Variants in TEKT2 observed in about 807,000 individuals in gnomAD.
The protein encoded by TEKT2 is tektin 2.
TEKT2 carries 45 observed loss-of-function variants against 49.8 expected under a neutral mutation model. The observed-to-expected ratio is 0.90, with a 90% CI of 0.71 to 1.16. The LOEUF (loss-of-function observed/expected upper bound fraction) is 1.16, where lower values mean the gene tolerates loss of function less well. Ranked by LOEUF, TEKT2 falls within the 50% of genes most tolerant of loss-of-function variation. The pLI is 0.00. For synonymous variants in TEKT2, 202 were observed against 224.6 expected, an observed-to-expected ratio of 0.90 and a Z score of 0.90; for missense variants, 523 against 551.4, an observed-to-expected ratio of 0.95 and a Z score of 0.52.
intron 4 of TEKT2, 37 bp downstream of exon 4, chr1:36,086,078 C>T: frequency 1.3e-6 from 2 of 1,549,672 alleles, no homozygotes; most frequent in Non-Finnish European, 1.7e-6. Flanking sequence ...GTTCATGGGC[C>T]CCTGGAGGCT....
rs374620853 is a variant in TEKT2, at chr1:36,088,126, C to T, written c.1233C>T (p.Phe411=). 1 of 1,612,926 alleles carries T rather than the reference C, an allele frequency of 6.2e-7. No homozygotes were observed. The highest frequency in any genetic ancestry group is 1.3e-5 in the African/African-American group (1 of 74,912). Residue 411 remains phenylalanine (F), a synonymous_variant, in exon 10 of 10, where the codon TTC becomes TTT. Coordinates refer to ENST00000207457, the MANE Select transcript of TEKT2 (RefSeq NM_014466.3). ...GGTTCGTGCCTGAGGTGGACACCTT[C>T]ACACGTACCACAAATAGCACCCTGA... ...AERFVPEVDT[F]TRTTNSTLSP...
chr1:36,085,510 T>G (rs1446235864), intron 3 of TEKT2, among the ~76,000 whole-genome samples: 211 of 128,124 alleles, frequency 1.6e-3, no homozygotes, highest in African/African-American at 6.0e-3. Context: ...TTCTTTTCTT[T>G]TTTTTTTTTT....
Position 36,086,716 on chromosome 1 carries a change from A to G in TEKT2, c.501A>G (p.Glu167=). 1 of 1,614,044 alleles carries G rather than the reference A, an allele frequency of 6.2e-7. No homozygotes were observed. Among genetic ancestry groups the G allele is most frequent in the Non-Finnish European group, 8.5e-7 (1 of 1,180,000 alleles). ...GCGCTTTCCCCAGCCTCTTGCAGGA[A>G]GTCCAACAGCAGCTCAACTCCGACC... ...QAFEQLCLLQ[E]VQQQLNSDHR... The change falls in exon 5 of 10, where the codon GAA becomes GAG. Residue 167 remains glutamate (E), a synonymous_variant. Coordinates refer to ENST00000207457, the MANE Select transcript of TEKT2 (RefSeq NM_014466.3).
rs1183704571 is a variant in TEKT2 at position 36,086,034 on chromosome 1, C to A, written c.481C>A (p.Gln161Lys). 6.3e-7 allele frequency: 1 copy of A among 1,579,852 alleles called. No individual in the cohort carries two copies. The highest frequency in any genetic ancestry group is 8.6e-7 in the Non-Finnish European group (1 of 1,162,328). The change falls in exon 4 of 10, where the codon CAG becomes AAG. Residue 161 changes from glutamine to lysine, a missense_variant. Physicochemically the swap from Gln to Lys is moderately conservative, Grantham distance 53. Transcript: ENST00000207457. ...ACAGAAGGTCAGCCAGGCCTTCGAGCAGCTCTGGTAAGGGAGAGGCAGGTC... is the reference window on the plus strand; with the variant it reads ...ACAGAAGGTCAGCCAGGCCTTCGAGAAGCTCTGGTAAGGGAGAGGCAGGTC... Reference protein sequence around the residue: ...LQQKVSQAFEQLCLLQEVQQQ... With the variant: ...LQQKVSQAFEKLCLLQEVQQQ...
In TEKT2 at chr1:36,087,389, G is replaced by T. The variant is rs2124040709; in HGVS notation, c.856-50G>T. ...CCCCCGCCAGGAGGCACTGGACCAGGCATGCACGTGAGTCCAGCAGGTGGA... is the reference window on the plus strand; with the variant it reads ...CCCCCGCCAGGAGGCACTGGACCAGTCATGCACGTGAGTCCAGCAGGTGGA... On this transcript the variant is annotated intron_variant, in intron 7 of 9. Coordinates refer to ENST00000207457, the MANE Select transcript of TEKT2 (RefSeq NM_014466.3). The surrounding 1 kb of genome is among the most constrained non-coding windows in gnomAD (Gnocchi z 4.9). 1 of 1,613,840 alleles carries T rather than the reference G, an allele frequency of 6.2e-7. No individual in the cohort carries two copies.
chr1:36,084,503 TCAA>T lies in TEKT2; in HGVS notation c.-53+358_-53+360del. 1 of 289,570 alleles carries T rather than the reference TCAA, an allele frequency of 3.5e-6. No homozygotes were observed. The highest frequency in any genetic ancestry group is 6.7e-6 in the Non-Finnish European group (1 of 148,968). The allele number at this position is 289,570 out of a possible 1,614,324, so 17.9% of individuals were successfully genotyped here. ...GCCTGGGGAAGAAAGGAAAGGAAGA[TCAA>T]CAAGGCATGGTTGGCTGGGGGCAGG... is the stretch of plus-strand genomic sequence containing the variant. On this transcript the variant is annotated intron_variant, in intron 1 of 9. Coordinates refer to ENST00000207457, the MANE Select transcript of TEKT2 (RefSeq NM_014466.3). This position sits in a 1 kb window ranked among gnomAD's most constrained non-coding sequence, Gnocchi z 4.1.
In TEKT2 at chr1:36,088,137, C is replaced by G; in HGVS notation, c.1244C>G (p.Thr415Arg). The G allele has an allele frequency of 6.4e-7, 1 of 1,562,428 alleles. No individual in the cohort carries two copies. The highest frequency in any genetic ancestry group is 8.7e-7 in the Non-Finnish European group (1 of 1,149,182). ...GAGGTGGACACCTTCACACGTACCA[C>G]AAATAGCACCCTGAGTCCACTCAAA... ...VPEVDTFTRT[T>R]NSTLSPLKSC... Residue 415 changes from threonine to arginine, a missense_variant, in exon 10 of 10, where the codon ACA becomes AGA. Coordinates refer to ENST00000207457, the MANE Select transcript of TEKT2 (RefSeq NM_014466.3).
In TEKT2 at chr1:36,085,203, A is replaced by T. The variant is rs1205355344; in HGVS notation, c.197A>T (p.Glu66Val). 1.2e-6 allele frequency: 2 copies of T among 1,614,112 alleles called. No homozygotes were observed. Among genetic ancestry groups the T allele is most frequent in the Non-Finnish European group, 1.7e-6 (2 of 1,180,056 alleles). ...DEHDNRTRLV[E>V]RIDTVNRWKE... ...CATGACAACAGGACTCGACTGGTGG[A>T]GAGGATTGATACTGTCAACCGGTGG... Residue 66 changes from glutamate (E) to valine (V), a missense_variant, in exon 3 of 10, where the codon GAG becomes GTG. Glu to Val is a moderately radical substitution (Grantham distance 121). Coordinates refer to ENST00000207457, the MANE Select transcript of TEKT2 (RefSeq NM_014466.3).
At position 36,087,754 on chromosome 1, in the gene TEKT2, T is replaced by A. The variant is rs764272107; in HGVS notation, c.1026T>A (p.Val342=). ...DQAQYGLTDE[V]HQLEATIAAL... ...CACAGTACGGCCTCACCGACGAGGT[T>A]CACCAGCTAGAGGCAACCATCGCTG... Residue 342 remains valine (V), a synonymous_variant, in exon 9 of 10, where the codon GTT becomes GTA. Transcript: ENST00000207457. The surrounding 1 kb of genome is among the most constrained non-coding windows in gnomAD (Gnocchi z 4.9). The A allele has an allele frequency of 1.1e-5, 18 of 1,613,760 alleles. No homozygotes were observed. Among genetic ancestry groups the A allele is most frequent in the Non-Finnish European group, 1.5e-5 (18 of 1,179,994 alleles).
Position 36,084,098 on chromosome 1 carries a change from C to A in TEKT2, c.-104C>A, listed in dbSNP as rs918230790. Reference sequence around the variant, plus strand: ...GGTGGTTGCCTAGCAACCGGTGGTGCCAAACACTGGAGCTCAGAGCGGGGG... The same window carrying A: ...GGTGGTTGCCTAGCAACCGGTGGTGACAAACACTGGAGCTCAGAGCGGGGG... On this transcript the variant is annotated 5_prime_UTR_variant, in exon 1 of 10. Transcript: ENST00000207457. The surrounding 1 kb of genome is among the most constrained non-coding windows in gnomAD (Gnocchi z 4.1). The A allele has an allele frequency of 2.2e-4, 33 of 152,278 alleles. No individual in the cohort carries two copies. The highest frequency in any genetic ancestry group is 7.9e-4 in the African/African-American group (33 of 41,548). 9.4% of individuals were successfully genotyped at this position (152,278 alleles called of 1,614,324 possible).
chr1:36,084,902 A>G lies in TEKT2; in HGVS notation c.-20A>G, dbSNP rs1569996832. 1 of 1,612,950 alleles carries G rather than the reference A, an allele frequency of 6.2e-7. No individual in the cohort carries two copies. Among genetic ancestry groups the G allele is most frequent in the Non-Finnish European group, 8.5e-7 (1 of 1,179,982 alleles). On this transcript the variant is annotated 5_prime_UTR_variant, in exon 2 of 10. Coordinates refer to ENST00000207457, the MANE Select transcript of TEKT2 (RefSeq NM_014466.3). The surrounding 1 kb of genome is among the most constrained non-coding windows in gnomAD (Gnocchi z 4.1). ...CTGTGAACAGGCCTAGGGGTTTCTG[A>G]CCCTTCTGGTTTCTGTGCCATGGCC...
Position 36,087,041 on chromosome 1 carries a change from C to G in TEKT2, c.743C>G (p.Ala248Gly). The part of the protein sequence containing the change: ...ELREATALTI[A>G]ETNNELEAQR... The stretch of plus-strand genomic sequence containing the variant: ...AGGGAGGCCACTGCTCTAACTATTG[C>G]TGAGGTGACAGGCCACCCACAGCTA... Residue 248 changes from alanine (A) to glycine (G), a missense_variant, in exon 6 of 10, where the codon GCT (alanine) becomes GGT (glycine). Transcript: ENST00000207457. The surrounding 1 kb of genome is among the most constrained non-coding windows in gnomAD (Gnocchi z 4.9). The G allele has an allele frequency of 6.2e-7, 1 of 1,613,932 alleles. No individual in the cohort carries two copies. The highest frequency in any genetic ancestry group is 1.7e-5 in the Admixed American group (1 of 60,008).
Position 36,084,953 on chromosome 1 carries a change from G to T in TEKT2, c.32G>T (p.Arg11Leu), listed in dbSNP as rs771520973. Residue 11 changes from arginine to leucine, a missense_variant, in exon 2 of 10, where the codon CGC (arginine) becomes CTC (leucine). Transcript: ENST00000207457. This position sits in a 1 kb window ranked among gnomAD's most constrained non-coding sequence, Gnocchi z 4.1. ...ACGCTGAGCGTCAAGCCAAGTCGGC[G>T]CTTCCAGCTGCCCGACTGGCACACT... MATLSVKPSR[R>L]FQLPDWHTNS... 13 of 1,613,952 alleles carry T rather than the reference G, an allele frequency of 8.1e-6. No individual in the cohort carries two copies. Among genetic ancestry groups the T allele is most frequent in the Non-Finnish European group, 1.1e-5 (13 of 1,180,044 alleles).
chr1:36,088,171 G>A lies in TEKT2; in HGVS notation c.1278G>A (p.Gln426=), dbSNP rs1190418690. The A allele has an allele frequency of 3.7e-6, 6 of 1,612,700 alleles. No homozygotes were observed. Among genetic ancestry groups the A allele is most frequent in the Non-Finnish European group, 5.1e-6 (6 of 1,179,832 alleles). ...NSTLSPLKSC[Q]LELA ...CCCTGAGTCCACTCAAAAGCTGCCA[G>A]CTGGAGCTGGCCTAGCCTTGGAGGA... Residue 426 remains glutamine, a synonymous_variant, in exon 10 of 10, where the codon CAG becomes CAA. Coordinates refer to ENST00000207457, the MANE Select transcript of TEKT2 (RefSeq NM_014466.3).
rs191019632 is a variant in TEKT2, at chr1:36,087,583, G to C, written c.999+1G>C. On this transcript the variant is annotated splice_donor_variant, in intron 8 of 9. Coordinates refer to ENST00000207457, the MANE Select transcript of TEKT2 (RefSeq NM_014466.3). LOFTEE classifies it high-confidence loss of function. The surrounding 1 kb of genome is among the most constrained non-coding windows in gnomAD (Gnocchi z 4.9). The stretch of plus-strand genomic sequence containing the variant: ...CAACGTGGAACTCTGCCGGGACCAG[G>C]TGAGAGGGTGTCCCAGTGGCGCACG... 9 of 1,613,756 alleles carry C rather than the reference G, an allele frequency of 5.6e-6. No homozygotes were observed. The African/African-American group carries it at 1.1e-4, about 19-fold the overall frequency.
chr1:36,087,695 C>T lies in TEKT2; in HGVS notation c.1000-33C>T, dbSNP rs1453749382. Reference sequence around the variant, plus strand: ...AGCACTCAGGTAAAGGACAGTGTGGCTGACTTGGAACTCCCAACCCCTCTG... The same window carrying T: ...AGCACTCAGGTAAAGGACAGTGTGGTTGACTTGGAACTCCCAACCCCTCTG... On this transcript the variant is annotated intron_variant, in intron 8 of 9. Transcript: ENST00000207457. The surrounding 1 kb of genome is among the most constrained non-coding windows in gnomAD (Gnocchi z 4.9). The T allele has an allele frequency of 1.2e-6, 2 of 1,612,880 alleles. No individual in the cohort carries two copies. The highest frequency in any genetic ancestry group is 8.5e-7 in the Non-Finnish European group (1 of 1,179,596).
At position 36,087,406 on chromosome 1, in the gene TEKT2, G is replaced by A. The variant is rs369396707; in HGVS notation, c.856-33G>A. 5.6e-6 allele frequency: 9 copies of A among 1,613,746 alleles called. No individual in the cohort carries two copies. The African/African-American group carries it at 1.2e-4, about 22-fold the overall frequency. On this transcript the variant is annotated intron_variant, in intron 7 of 9. Transcript: ENST00000207457. This position sits in a 1 kb window ranked among gnomAD's most constrained non-coding sequence, Gnocchi z 4.9. ...TGGACCAGGCATGCACGTGAGTCCA[G>A]CAGGTGGAAACCAGTCACTCTGTCC...
rs572132576 is a variant in TEKT2 at position 36,087,358 on chromosome 1, C to T, written c.855+47C>T. ...GACTTCCTGCTGTGGGATGAGAAGC[C>T]GCATGCCCCCGCCAGGAGGCACTGG... is the stretch of plus-strand genomic sequence containing the variant. On this transcript the variant is annotated intron_variant, in intron 7 of 9. Coordinates refer to ENST00000207457, the MANE Select transcript of TEKT2 (RefSeq NM_014466.3). This position sits in a 1 kb window ranked among gnomAD's most constrained non-coding sequence, Gnocchi z 4.9. The T allele has an allele frequency of 1.9e-4, 309 of 1,613,612 alleles. 4 individuals carry two copies. The South Asian group carries it at 3.0e-3, about 16-fold the overall frequency.
rs920587054 is a variant in TEKT2, at chr1:36,087,533, G to T, written c.950G>T (p.Arg317Leu). The T allele has an allele frequency of 6.2e-7, 1 of 1,613,846 alleles. No homozygotes were observed. The highest frequency in any genetic ancestry group is 8.5e-7 in the Non-Finnish European group (1 of 1,180,026). Residue 317 changes from arginine to leucine, a missense_variant, in exon 8 of 10, where the codon CGG (arginine) becomes CTG (leucine). Transcript: ENST00000207457. The surrounding 1 kb of genome is among the most constrained non-coding windows in gnomAD (Gnocchi z 4.9). ...CTGAGCCTGAAGCTGTCCCATACCC[G>T]GCTAGAGGCCAGAACCTACCGGCCC... ...KLLSLKLSHT[R>L]LEARTYRPNV...
Sources: allele counts gnomAD v4.1 joint callset (sites outside exome capture counted in the v4.1 genomes callset), GRCh38; gene constraint gnomAD v4.1.1; non-coding constraint Gnocchi (gnomAD v3.1); transcripts MANE v1.5; gene names NCBI Gene and HGNC (gene_info 2026-07-23, HGNC 2026-07-21).